Variants in PSD2 observed in about 807,000 individuals in gnomAD.
PSD2 encodes the protein PH and SEC7 domain-containing protein 2.
PSD2 carries 38 observed loss-of-function variants against 69.8 expected under a neutral mutation model. The ratio of observed to expected loss-of-function variants is 0.54; its 90% CI spans 0.42 to 0.71. PSD2 has a LOEUF of 0.71. Ranked by LOEUF, PSD2 falls within the 30% of genes least tolerant of loss-of-function variation. The probability of loss-of-function intolerance (pLI) is 0.00; values close to 1 mark genes in which losing one functional copy is unlikely to be tolerated. For synonymous variants in PSD2, 412 were observed against 423.0 expected, an observed-to-expected ratio of 0.97 and a Z score of 0.32; for missense variants, 943 against 1,014.5, an observed-to-expected ratio of 0.93 and a Z score of 0.96.
At chr5:139,781,787 C>T in the PSD2 span, among the ~76,000 whole-genome samples, 3 of 152,144 alleles carry the variant, frequency 2.0e-5, no homozygotes, top group East Asian at 3.9e-4. Context: ...GCACATGCCA[C>T]GACACCTGGC....
chr5:139,792,235 G>A (rs1217778021), upstream of PSD2, among the ~76,000 whole-genome samples: 5 of 152,166 alleles, frequency 3.3e-5, no homozygotes, highest in Non-Finnish European at 5.9e-5. Flanking sequence ...AGCTCTCTGG[G>A]ATTGGCCTGG....
At chr5:139,752,791 C>T in the PSD2 span, among the ~76,000 whole-genome samples, 4 of 152,198 alleles carry the variant, frequency 2.6e-5, no homozygotes, top group Admixed American at 6.5e-5. Flanking sequence ...GCTGGCTGCC[C>T]GCCAAGCGCG....
chr5:139,836,197 C>G (rs1349987276), intron 9 of PSD2, among the ~76,000 whole-genome samples: 1 of 152,168 alleles, frequency 6.6e-6, no homozygotes, highest in African/African-American at 2.4e-5. Flanking sequence ...AACTTCTTCC[C>G]CTGCAAAGGC....
At chr5:139,777,759 T>C in the PSD2 span, among the ~76,000 whole-genome samples, 1 of 152,132 alleles carries the variant, frequency 6.6e-6, no homozygotes, top group Admixed American at 6.5e-5. Flanking sequence ...GGCACACACC[T>C]GTGTTCCCAG....
Position 139,837,857 on chromosome 5 carries a change from T to G in PSD2, c.1823+75T>G. The stretch of plus-strand genomic sequence containing the variant: ...GTGACCCGGCACACAACCCCTCTCC[T>G]TCCCGTGAGTCAGCAACAGAGCATG... On this transcript the variant is annotated intron_variant, in intron 12 of 14. Coordinates refer to ENST00000274710, the MANE Select transcript of PSD2 (RefSeq NM_032289.4). This position sits in a 1 kb window ranked among gnomAD's most constrained non-coding sequence, Gnocchi z 5.0. 2.1e-6 allele frequency: 3 copies of G among 1,414,940 alleles called. No individual in the cohort carries two copies. Among genetic ancestry groups the G allele is most frequent in the South Asian group, 1.3e-5 (1 of 76,382 alleles). 87.6% of individuals were successfully genotyped at this position (1,414,940 alleles called of 1,614,324 possible). A position where few individuals can be genotyped will look rare whatever the true frequency, so the allele number is the denominator to read the frequency against.
chr5:139,813,381 G>A lies in PSD2; in HGVS notation c.444G>A (p.Glu148=). The change falls in exon 3 of 15, where the codon GAG becomes GAA. Residue 148 remains glutamate (E), a synonymous_variant. Transcript: ENST00000274710. ...CGTTTGAGAAGATTCTGGAGTCAGA[G>A]CTGCTGCGGGGCACCCAGTACAGCA... ...SATFEKILES[E]LLRGTQYSSL... The A allele has an allele frequency of 6.2e-7, 1 of 1,602,440 alleles. No homozygotes were observed. Among genetic ancestry groups the A allele is most frequent in the African/African-American group, 1.3e-5 (1 of 74,832 alleles).
chr5:139,807,582 CT>C (rs539620684), intron 1 of PSD2, among the ~76,000 whole-genome samples: 2 of 151,300 alleles, frequency 1.3e-5, no homozygotes, highest in African/African-American at 2.4e-5. Flanking sequence ...AGTCTGTGGG[CT>C]TTTTTTTTAA....
rs1760818337 is a variant in PSD2, at chr5:139,839,506, T to C, written c.1969-521T>C. 6.6e-6 allele frequency among the ~76,000 whole-genome samples: 1 copy of C among 152,100 alleles called. No individual in the cohort carries two copies. ...GGGGGCCTGGCTGGCCTGTAGTGGG[T>C]GGGATGTGTGCGTTTGCCCATCAGC... On this transcript the variant is annotated intron_variant, in intron 13 of 14. Transcript: ENST00000274710. This position sits in a 1 kb window ranked among gnomAD's most constrained non-coding sequence, Gnocchi z 5.1.
At chr5:139,816,736 T>C (rs1239777394) in intron 4 of PSD2, among the ~76,000 whole-genome samples, 1 of 152,222 alleles carries the variant, frequency 6.6e-6, no homozygotes, top group Non-Finnish European at 1.5e-5. Context: ...CTTCGCTGGC[T>C]CGCTCCTGGG....
In PSD2 at chr5:139,809,558, A is replaced by C; in HGVS notation, c.118A>C (p.Asn40His). The change falls in exon 2 of 15, where the codon AAC becomes CAC. Residue 40 changes from asparagine (N) to histidine (H), a missense_variant. Physicochemically the swap from Asn to His is moderately conservative, Grantham distance 68 (BLOSUM62 1). Around this residue, in one of 3 missense-constraint regions of PSD2, gnomAD observed 466 missense variants for 445.0 expected, o/e 1.05. Transcript: ENST00000274710. The part of the protein sequence containing the change: ...VRNGMASEGL[N>H]SSLCSPGHER... ...GAATGGGATGGCCAGTGAGGGCCTG[A>C]ACAGCAGCCTCTGCAGCCCAGGGCA... 6.2e-7 allele frequency: 1 copy of C among 1,614,006 alleles called. No homozygotes were observed. The highest frequency in any genetic ancestry group is 1.1e-5 in the South Asian group (1 of 91,062).
At chr5:139,833,490 G>A (rs1348381757) in intron 7 of PSD2, among the ~76,000 whole-genome samples, 1 of 152,200 alleles carries the variant, frequency 6.6e-6, no homozygotes, top group African/African-American at 2.4e-5. Flanking sequence ...TGCAGAAGAA[G>A]CCCAACCTCT....
the PSD2 span, among the ~76,000 whole-genome samples, chr5:139,775,647 T>C: frequency 6.6e-6 from 1 of 152,074 alleles, no homozygotes; most frequent in Non-Finnish European, 1.5e-5. Flanking sequence ...GGAGGGAGTT[T>C]CTTCGCCTGT....
In PSD2 at chr5:139,842,338, A is replaced by T; in HGVS notation, c.2180A>T (p.Glu727Val). Residue 727 changes from glutamate to valine, a missense_variant, in exon 15 of 15, where the codon GAG (glutamate) becomes GTG (valine). This residue lies in a region of PSD2 where 165 missense variants were observed against 168.8 expected (regional missense o/e 0.98). Coordinates refer to ENST00000274710, the MANE Select transcript of PSD2 (RefSeq NM_032289.4). ...MKIKVGSDDL[E>V]RIEARLATLE... ...ATCAAAGTGGGCTCAGATGATCTGG[A>T]GCGGATTGAGGCCCGGCTGGCCACT... is the stretch of plus-strand genomic sequence containing the variant. 1 of 1,614,130 alleles carries T rather than the reference A, an allele frequency of 6.2e-7. No individual in the cohort carries two copies. The highest frequency in any genetic ancestry group is 8.5e-7 in the Non-Finnish European group (1 of 1,180,022).
the PSD2 span, among the ~76,000 whole-genome samples, chr5:139,770,104 C>T: frequency 6.6e-6 from 1 of 152,154 alleles, no homozygotes; most frequent in South Asian, 2.1e-4. Flanking sequence ...TTCTGATGAC[C>T]CCACCACATG....
chr5:139,831,007 CCTGTTA>C (rs1760588502), intron 7 of PSD2, among the ~76,000 whole-genome samples: 1 of 151,834 alleles, frequency 6.6e-6, no homozygotes, highest in Admixed American at 6.6e-5. Flanking sequence ...GCTTGTTCTT[CCTGTTA>C]CTAAGAGAGC....
chr5:139,804,342 C>T lies in PSD2; in HGVS notation c.-50-5049C>T, dbSNP rs114463877. Among the ~76,000 whole-genome samples the T allele has an allele frequency of 7.1e-3, 1,078 of 152,192 alleles. 9 individuals carry two copies. The highest frequency in any genetic ancestry group is 0.011 in the Non-Finnish European group (759 of 68,004). ...CAAGTAACCCTCATGGAGCTCTCTC[C>T]AAGTATCCAATGTTGGTTGGCAGGT... On this transcript the variant is annotated intron_variant, in intron 1 of 14. Transcript: ENST00000274710.
In PSD2 at chr5:139,834,963, C is replaced by A. The variant is rs192332051; in HGVS notation, c.1360-760C>A. On this transcript the variant is annotated intron_variant, in intron 8 of 14. Coordinates refer to ENST00000274710, the MANE Select transcript of PSD2 (RefSeq NM_032289.4). ...CATATATATATATATCTCCCCAAACCCTCCCTTCCCACTCCTCGCATAGCA... is the reference window on the plus strand; with the variant it reads ...CATATATATATATATCTCCCCAAACACTCCCTTCCCACTCCTCGCATAGCA... Among the ~76,000 whole-genome samples, 6 of 151,046 alleles carry A rather than the reference C, an allele frequency of 4.0e-5. No homozygotes were observed. The East Asian group carries it at 9.8e-4, about 25-fold the overall frequency.
chr5:139,762,738 C>T, the PSD2 span, among the ~76,000 whole-genome samples: 5 of 151,930 alleles, frequency 3.3e-5, no homozygotes, highest in African/African-American at 1.2e-4. Flanking sequence ...GGCTACAGAC[C>T]CCTCCCGGCA....
rs1581746187 is a variant in PSD2, at chr5:139,843,599, T to C, written c.*1125T>C. ...CCCAAAGATGCTTGTCGGAGGACGG[T>C]TATGGAAGCCCTTAATTCTTGGTTG... On this transcript the variant is annotated 3_prime_UTR_variant, in exon 15 of 15. Coordinates refer to ENST00000274710, the MANE Select transcript of PSD2 (RefSeq NM_032289.4). 1 of 152,214 alleles carries C rather than the reference T, an allele frequency of 6.6e-6. No homozygotes were observed. The highest frequency in any genetic ancestry group is 1.5e-5 in the Non-Finnish European group (1 of 68,048). 9.4% of individuals were successfully genotyped at this position (152,214 alleles called of 1,614,324 possible).
Sources: gnomAD v4.1 joint callset for allele counts (sites outside exome capture counted in the v4.1 genomes callset) on GRCh38, gnomAD v4.1.1 for gene constraint, gnomAD v4.1.1 regional missense constraint, Gnocchi (gnomAD v3.1) non-coding constraint, MANE v1.5 for transcripts, NCBI Gene and HGNC (gene_info 2026-07-23, HGNC 2026-07-21) for gene names.